Variants in PAPPA observed in about 807,000 individuals in gnomAD.
PAPPA encodes the protein pappalysin 1.
PAPPA carries 60 observed loss-of-function variants against 164.0 expected under a neutral mutation model. The observed-to-expected ratio is 0.37, with a 90% confidence interval of 0.30 to 0.45. The LOEUF is 0.45. PAPPA is among the 20% of genes least tolerant of loss of function. The pLI is 1.00. For synonymous variants in PAPPA, 875 were observed against 814.1 expected, an observed-to-expected ratio of 1.07 and a Z score of -1.27; for missense variants, 1,782 against 2,087.3, an observed-to-expected ratio of 0.85 and a Z score of 2.85.
chr9:116,337,529 C>T (rs1271595524), intron 13 of PAPPA, among the ~76,000 whole-genome samples: 1 of 152,190 alleles, frequency 6.6e-6, no homozygotes, highest in Non-Finnish European at 1.5e-5. Flanking sequence ...CAAATTTCAA[C>T]TGGTTGTAGG....
At chr9:116,363,759 A>G (rs554538788) in intron 18 of PAPPA, among the ~76,000 whole-genome samples, 7 of 152,286 alleles carry the variant, frequency 4.6e-5, no homozygotes, top group Admixed American at 4.6e-4. Context: ...GCAAACAGAG[A>G]GTTATCACTG....
rs373148388 is a variant in PAPPA, at chr9:116,273,618, A to C, written c.2953+2202A>C. ...GTTAACAAAAAACTGAATTTTAAAC[A>C]TACAGTGTAGCTGGGAGTGGTGGCG... On this transcript the variant is annotated intron_variant, in intron 9 of 21. Transcript: ENST00000328252. 3.3e-5 allele frequency among the ~76,000 whole-genome samples: 5 copies of C among 152,174 alleles called. No homozygotes were observed. In the East Asian group the frequency reaches 7.7e-4, roughly 23 times the overall value.
At chr9:116,157,780 G>A (rs1843620989) in intron 1 of PAPPA, among the ~76,000 whole-genome samples, 1 of 152,034 alleles carries the variant, frequency 6.6e-6, no homozygotes, top group South Asian at 2.1e-4. Flanking sequence ...TTCATGCATA[G>A]CAATTTGGGC....
Position 116,235,359 on chromosome 9 carries a change from G to A in PAPPA, c.2454G>A (p.Leu818=). The A allele has an allele frequency of 1.9e-6, 3 of 1,614,034 alleles. No homozygotes were observed. Among genetic ancestry groups the A allele is most frequent in the Non-Finnish European group, 2.5e-6 (3 of 1,179,982 alleles). ...GTGGAGCTGTCAATGACATCAAACT[G>A]TTGGCTGTCAGTGGGAAGAACATCT... ...DSSGAVNDIK[L]LAVSGKNISL... The change falls in exon 7 of 22, where the codon CTG becomes CTA. Residue 818 remains leucine (L), a synonymous_variant. Coordinates refer to ENST00000328252, the MANE Select transcript of PAPPA (RefSeq NM_002581.5).
intron 2 of PAPPA, among the ~76,000 whole-genome samples, chr9:116,191,736 G>C (rs1844044901): frequency 1.3e-5 from 2 of 152,188 alleles, no homozygotes; most frequent in Admixed American, 6.5e-5. Flanking sequence ...GCAGCCTGCT[G>C]AGAGGTAAAG....
At chr9:116,161,942 A>C (rs1413088417) in intron 1 of PAPPA, among the ~76,000 whole-genome samples, 1 of 152,068 alleles carries the variant, frequency 6.6e-6, no homozygotes, top group African/African-American at 2.4e-5. Flanking sequence ...AAAGGTTTGC[A>C]AATACGGAGA....
intron 2 of PAPPA, among the ~76,000 whole-genome samples, chr9:116,198,054 A>G (rs1433104405): frequency 6.6e-6 from 1 of 152,236 alleles, no homozygotes; most frequent in African/African-American, 2.4e-5. Flanking sequence ...TGATTTAAGC[A>G]TAAGACAAAT....
At chr9:116,184,516 C>T (rs1843946541) in intron 1 of PAPPA, among the ~76,000 whole-genome samples, 3 of 152,118 alleles carry the variant, frequency 2.0e-5, no homozygotes, top group African/African-American at 7.2e-5. Context: ...CTGAACCCTC[C>T]AGCATCTTAA....
At chr9:116,312,288 C>CTTTTTTTTTTTTTTTTT (rs5900201) in intron 10 of PAPPA, among the ~76,000 whole-genome samples, 22 of 129,614 alleles carry the variant, frequency 1.7e-4, no homozygotes, top group African/African-American at 2.0e-4. Context: ...TTCTTTCTTT[C>CTTTTTTTTTTTTTTTTT]TTTTTTTTTT....
chr9:116,272,631 G>T (rs1462902526), intron 9 of PAPPA, among the ~76,000 whole-genome samples: 1 of 152,194 alleles, frequency 6.6e-6, no homozygotes, highest in Admixed American at 6.5e-5. Context: ...AATATTTATG[G>T]TTGGAAGATA....
intron 9 of PAPPA, among the ~76,000 whole-genome samples, chr9:116,297,047 G>A (rs768778776): frequency 2.0e-5 from 3 of 151,966 alleles, no homozygotes; most frequent in Non-Finnish European, 4.4e-5. Flanking sequence ...TAGACACAGG[G>A]TTTCACCATG....
At chr9:116,296,968 C>T (rs1845516947) in intron 9 of PAPPA, among the ~76,000 whole-genome samples, 5 of 152,102 alleles carry the variant, frequency 3.3e-5, no homozygotes, top group Admixed American at 3.3e-4. Context: ...GATTCTCCTG[C>T]CTCAGCCTCC....
At chr9:116,383,448 T>A (rs1846759781) in intron 21 of PAPPA, among the ~76,000 whole-genome samples, 1 of 152,224 alleles carries the variant, frequency 6.6e-6, no homozygotes, top group Non-Finnish European at 1.5e-5. Flanking sequence ...TCTATGACTA[T>A]CTTGGCCCAA....
intron 19 of PAPPA, among the ~76,000 whole-genome samples, chr9:116,376,021 A>ATTTTTTTT (rs34549794): frequency 7.4e-6 from 1 of 135,696 alleles, no homozygotes; most frequent in Admixed American, 7.5e-5. Context: ...AACTTCCAGG[A>ATTTTTTTT]TTTTTTTTTT....
intron 10 of PAPPA, among the ~76,000 whole-genome samples, chr9:116,317,101 G>A (rs943454497): frequency 2.6e-5 from 4 of 152,174 alleles, no homozygotes; most frequent in Admixed American, 6.5e-5. Flanking sequence ...AGGAGAAAGG[G>A]GGAAGAGGGG....
intron 1 of PAPPA, among the ~76,000 whole-genome samples, chr9:116,169,307 A>ATTTT (rs1843748582): frequency 4.8e-5 from 2 of 41,324 alleles, no homozygotes; most frequent in Admixed American, 2.1e-4. Context: ...CTCCAAACCC[A>ATTTT]TTCTTTTTTT....
At chr9:116,252,488 C>T (rs1281118928) in intron 7 of PAPPA, among the ~76,000 whole-genome samples, 1 of 152,138 alleles carries the variant, frequency 6.6e-6, no homozygotes, top group Non-Finnish European at 1.5e-5. Context: ...AATAAGGGGG[C>T]ACCTGAAGTG....
intron 9 of PAPPA, among the ~76,000 whole-genome samples, chr9:116,298,055 C>A (rs1587992753): frequency 6.6e-6 from 1 of 152,330 alleles, no homozygotes; most frequent in South Asian, 2.1e-4. Flanking sequence ...GAACTCTTAA[C>A]AATAGCTCTA....
In PAPPA at chr9:116,398,165, T is replaced by A. The variant is rs1030947519; in HGVS notation, c.*1549T>A. 2.0e-5 allele frequency: 3 copies of A among 153,658 alleles called. No homozygotes were observed. Among genetic ancestry groups the A allele is most frequent in the African/African-American group, 7.2e-5 (3 of 41,430 alleles). The allele number at this position is 153,658 out of a possible 1,614,324, so 9.5% of individuals were successfully genotyped here. On this transcript the variant is annotated 3_prime_UTR_variant, in exon 22 of 22. Transcript: ENST00000328252. ...GTGGAAGCCCCCACCACTTTGGGGATCTCTTTATTTCTTTTCAGCCAGGGA... is the reference window on the plus strand; with the variant it reads ...GTGGAAGCCCCCACCACTTTGGGGAACTCTTTATTTCTTTTCAGCCAGGGA...
Sources: allele counts gnomAD v4.1 joint callset (sites outside exome capture counted in the v4.1 genomes callset), GRCh38; gene constraint gnomAD v4.1.1; transcripts MANE v1.5; gene names NCBI Gene and HGNC (gene_info 2026-07-23, HGNC 2026-07-21).